Variants in NF1 observed in about 807,000 individuals in gnomAD.
The protein encoded by NF1 is neurofibromin.
Under a neutral mutation model 325.7 loss-of-function variants are expected in NF1, and 122 were observed. The ratio of observed to expected loss-of-function variants is 0.37; its 90% CI spans 0.32 to 0.44. The LOEUF (loss-of-function observed/expected upper bound fraction) is 0.44. Among genes scored for constraint, NF1 ranks in the 20% least tolerant of loss-of-function variants. The pLI, the probability that NF1 is intolerant of heterozygous loss-of-function variation, is 1.00. For synonymous variants in NF1, 1,091 were observed against 1,186.0 expected (o/e 0.92, Z 1.65); for missense variants, 2,140 against 3,415.4 (o/e 0.63, Z 9.31).
intron 36 of NF1, among the ~76,000 whole-genome samples, chr17:31,279,580 C>T (rs1370458237): frequency 2.0e-5 from 3 of 149,618 alleles, no homozygotes; most frequent in Non-Finnish European, 1.5e-5. Context: ...AGGAGAATTC[C>T]AGCCTCTTTA....
Position 31,288,654 on chromosome 17 carries a change from A to G in NF1, c.4835+23315A>G, listed in dbSNP as rs142551864. The stretch of plus-strand genomic sequence containing the variant: ...CGGGTTCAAGCGATCCTCCTGCCTC[A>G]GTCTCCTGAGTAGCTAGGATAATAG... On this transcript the variant is annotated intron_variant, in intron 36 of 57. Transcript: ENST00000358273. Among the ~76,000 whole-genome samples the G allele has an allele frequency of 3.2e-3, 491 of 151,150 alleles. 8 individuals carry two copies. Among genetic ancestry groups the G allele is most frequent in the African/African-American group, 0.011 (462 of 41,318 alleles).
chr17:31,250,107 T>G, intron 30 of NF1: 1 of 439,242 alleles, frequency 2.3e-6, no homozygotes, highest in East Asian at 4.7e-5. Context: ...CTGTTCTATC[T>G]GTAAAAAAGC....
chr17:31,317,101 G>A (rs1273447615), intron 36 of NF1, among the ~76,000 whole-genome samples: 2 of 151,892 alleles, frequency 1.3e-5, no homozygotes, highest in Non-Finnish European at 2.9e-5. Context: ...TCATACTTGG[G>A]AAAAAACATA....
At position 31,232,820 on chromosome 17, in the gene NF1, G is replaced by A. The variant is rs772432150; in HGVS notation, c.3435G>A (p.Thr1145=). The A allele has an allele frequency of 1.3e-5, 21 of 1,613,892 alleles. No individual in the cohort carries two copies. The South Asian group carries it at 1.8e-4, about 14-fold the overall frequency. Residue 1145 remains threonine (T), a synonymous_variant, in exon 26 of 58, where the codon ACG becomes ACA. Transcript: ENST00000358273. Reference sequence around the variant, plus strand: ...GGCTGGCATCACTGAGGCACTGTACGGTCCTTGCAATGTCAAACTTACTCA... The same window carrying A: ...GGCTGGCATCACTGAGGCACTGTACAGTCCTTGCAATGTCAAACTTACTCA... ...SRRLASLRHC[T]VLAMSNLLNA...
At chr17:31,334,276 G>A (rs1406127537) in intron 39 of NF1, among the ~76,000 whole-genome samples, 5 of 150,334 alleles carry the variant, frequency 3.3e-5, no homozygotes, top group East Asian at 1.9e-4. Context: ...CAGCCTGGGC[G>A]ACAGAGGAGA....
chr17:31,243,544 C>T (rs1157845787), intron 29 of NF1, among the ~76,000 whole-genome samples: 1 of 151,960 alleles, frequency 6.6e-6, no homozygotes, highest in Non-Finnish European at 1.5e-5. Context: ...CCTTCCCGCT[C>T]TTCCGTCCTC....
At chr17:31,187,444 C>A (rs1016268469) in intron 8 of NF1, among the ~76,000 whole-genome samples, 1 of 152,134 alleles carries the variant, frequency 6.6e-6, no homozygotes, top group Non-Finnish European at 1.5e-5. Context: ...TATCTGCCCC[C>A]CTCGGCCTCC....
At chr17:31,114,258 G>A (rs2143321267) in intron 1 of NF1, among the ~76,000 whole-genome samples, 1 of 152,296 alleles carries the variant, frequency 6.6e-6, no homozygotes, top group Admixed American at 6.5e-5. Flanking sequence ...CTCAGCTGGT[G>A]GGGTAACCTA....
intron 33 of NF1, 65 bp downstream of exon 33, chr17:31,259,194 C>G (rs2067641759): frequency 7.2e-6 from 8 of 1,115,926 alleles, no homozygotes; most frequent in Admixed American, 2.0e-5. Context: ...TCACATAAAT[C>G]CATGTACCTG....
At chr17:31,277,181 C>A (rs915557218) in intron 36 of NF1, among the ~76,000 whole-genome samples, 1 of 152,108 alleles carries the variant, frequency 6.6e-6, no homozygotes, top group South Asian at 2.1e-4. Context: ...AGGGATTGGT[C>A]TTACTGTCCC....
chr17:31,340,934 C>T (rs2069807662), intron 47 of NF1, among the ~76,000 whole-genome samples: 1 of 150,662 alleles, frequency 6.6e-6, no homozygotes, highest in Admixed American at 6.6e-5. Context: ...ATCATCCTTA[C>T]AGAATGAGCA....
At chr17:31,160,364 A>G (rs1368044643) in intron 3 of NF1, among the ~76,000 whole-genome samples, 1 of 152,216 alleles carries the variant, frequency 6.6e-6, no homozygotes, top group Non-Finnish European at 1.5e-5. Flanking sequence ...CTGGGATTAC[A>G]GATGTGAACC....
At chr17:31,116,883 T>A (rs1212696875) in intron 1 of NF1, among the ~76,000 whole-genome samples, 1 of 151,694 alleles carries the variant, frequency 6.6e-6, no homozygotes, top group East Asian at 1.9e-4. Context: ...TTCGCTGTGT[T>A]AGCCAGGATG....
chr17:31,137,106 G>A (rs1915839995), intron 1 of NF1: 1 of 151,976 alleles, frequency 6.6e-6, no homozygotes, highest in African/African-American at 2.4e-5. Context: ...CTCTCCAGTT[G>A]TTTTTTTAGG....
At chr17:31,350,048 A>G (rs1436429189) in intron 49 of NF1, 135 bp from the exon 50 acceptor site, 2 of 884,996 alleles carry the variant, frequency 2.3e-6, no homozygotes, top group Non-Finnish European at 3.7e-6. Context: ...TATATTTCAC[A>G]TTTATGTAGT....
At chr17:31,142,276 C>T (rs1916271850) in intron 1 of NF1, among the ~76,000 whole-genome samples, 2 of 152,098 alleles carry the variant, frequency 1.3e-5, no homozygotes, top group Non-Finnish European at 2.9e-5. Context: ...CCATTATACC[C>T]AAAGATTTCT....
At chr17:31,331,288 TA>T (rs1382716174) in intron 39 of NF1, 8 of 152,024 alleles carry the variant, frequency 5.3e-5, no homozygotes, top group Non-Finnish European at 1.0e-4. Flanking sequence ...TATTCATAAA[TA>T]TTAATATGAG....
chr17:31,216,651 G>T (rs190786820), intron 13 of NF1, among the ~76,000 whole-genome samples: 181 of 151,978 alleles, frequency 1.2e-3, no homozygotes, highest in African/African-American at 4.1e-3. Flanking sequence ...ATCTTATTAT[G>T]CCCCCTCTCA....
intron 1 of NF1, among the ~76,000 whole-genome samples, chr17:31,100,726 C>T (rs1249897311): frequency 1.3e-5 from 2 of 152,088 alleles, no homozygotes; most frequent in East Asian, 1.9e-4. Context: ...CATGCCACCA[C>T]GCCCAGCTAA....
Sources: gnomAD v4.1 joint callset for allele counts (sites outside exome capture counted in the v4.1 genomes callset) on GRCh38, gnomAD v4.1.1 for gene constraint, MANE v1.5 for transcripts, NCBI Gene and HGNC (gene_info 2026-07-23, HGNC 2026-07-21) for gene names.